The following MTAP variants were observed in gnomAD, a reference collection of about 807,000 sequenced individuals.
MTAP encodes S-methyl-5'-thioadenosine phosphorylase.
Under a neutral mutation model 33.6 loss-of-function variants are expected in MTAP, and 33 were observed. The observed-to-expected ratio is 0.98, with a 90% CI of 0.74 to 1.31. The LOEUF is 1.31. Ranked by LOEUF, MTAP falls within the 40% of genes most tolerant of loss-of-function variation. The probability of loss-of-function intolerance (pLI) is 0.00; values close to 1 mark genes in which losing one functional copy is unlikely to be tolerated. For missense variants in MTAP, 367 were observed against 360.0 expected, an observed-to-expected ratio of 1.02 and a Z score of -0.16; for synonymous variants, 148 against 125.7, an observed-to-expected ratio of 1.18 and a Z score of -1.19.
chr9:21,871,996 G>T (rs1318985367), downstream of MTAP, among the ~76,000 whole-genome samples: 1 of 152,080 alleles, frequency 6.6e-6, no homozygotes, highest in Non-Finnish European at 1.5e-5. Context: ...GAAAATTTTT[G>T]TGTGTTTTAA....
chr9:21,931,403 T>C (rs373501455), downstream of MTAP: 6 of 463,392 alleles, frequency 1.3e-5, no homozygotes, highest in African/African-American at 5.9e-5. Context: ...CATCAGATGA[T>C]CATCAGGTGG....
Position 21,836,802 on chromosome 9 carries a change from G to A in MTAP, c.348-1106G>A, listed in dbSNP as rs140385462. Among the ~76,000 whole-genome samples the A allele has an allele frequency of 6.4e-3, 977 of 152,252 alleles. 9 individuals carry two copies. Among genetic ancestry groups the A allele is most frequent in the African/African-American group, 0.021 (871 of 41,526 alleles). ...TGAGGCCTTATTTCTGAGTGAGGTG[G>A]CCTTGGTGCCAGCTAATGCCACTGT... On this transcript the variant is annotated intron_variant, in intron 4 of 7. Coordinates refer to ENST00000644715, the MANE Select transcript of MTAP (RefSeq NM_002451.4).
intron 1 of MTAP, among the ~76,000 whole-genome samples, chr9:21,804,417 AT>A (rs1824151649): frequency 1.3e-5 from 2 of 152,328 alleles, no homozygotes; most frequent in South Asian, 4.1e-4. Context: ...AATGCAGTGC[AT>A]TTAAGTGCAG....
intron 5 of MTAP, among the ~76,000 whole-genome samples, chr9:21,852,942 T>C (rs1411743507): frequency 1.3e-5 from 2 of 152,190 alleles, no homozygotes; most frequent in African/African-American, 4.8e-5. Flanking sequence ...TCCGTCTGTT[T>C]AGTAGTTCAG....
Position 21,915,010 on chromosome 9 carries a change from TC to T in MTAP, c.148-15996del, listed in dbSNP as rs1818655507. ...CAATACTTTGTTTTCTTTCCTTCCT[TC>T]CTTCCTTCCTTCCTTCCTTCCTTCC... On this transcript the variant is annotated intron_variant, in intron 1 of 1. Transcript: ENST00000577563. 2.4e-4 allele frequency among the ~76,000 whole-genome samples: 18 copies of T among 74,470 alleles called. 3 individuals carry two copies. The highest frequency in any genetic ancestry group is 1.4e-3 in the African/African-American group (17 of 12,244). The allele number at this position is 74,470 out of a possible 152,430, so 48.9% of individuals were successfully genotyped here. A position where few individuals can be genotyped will look rare whatever the true frequency, so the allele number is the denominator to read the frequency against.
At chr9:21,909,473 T>G (rs188097101) in intron 1 of MTAP, among the ~76,000 whole-genome samples, 1 of 152,260 alleles carries the variant, frequency 6.6e-6, no homozygotes, top group Non-Finnish European at 1.5e-5. Context: ...GCTTGGGCAT[T>G]CTCAAATTTA....
chr9:21,846,314 G>A (rs79462964), intron 5 of MTAP, among the ~76,000 whole-genome samples: 129 of 151,926 alleles, frequency 8.5e-4, no homozygotes, highest in Middle Eastern at 3.4e-3. Context: ...AATAATCAGT[G>A]GAATAAATGA....
At chr9:21,803,073 G>A (rs1212211310) in intron 1 of MTAP, 1 of 767,682 alleles carries the variant, frequency 1.3e-6, no homozygotes, top group Non-Finnish European at 1.9e-6. Flanking sequence ...ACCCTGTAGG[G>A]CGTAGGCACC....
chr9:21,876,458 G>C (rs1826009916), intron 1 of MTAP, among the ~76,000 whole-genome samples: 1 of 152,036 alleles, frequency 6.6e-6, no homozygotes, highest in Non-Finnish European at 1.5e-5. Context: ...CTATGTCCAG[G>C]ATGGTATTGC....
intron 7 of MTAP, 151 bp downstream of exon 7, chr9:21,859,576 C>T (rs1825712060): frequency 2.5e-6 from 2 of 785,400 alleles, no homozygotes; most frequent in Non-Finnish European, 3.8e-6. Context: ...CCATACCAAC[C>T]ACTTGTGAAA....
In MTAP at chr9:21,854,882, TC is replaced by T. The variant is rs1825600448; in HGVS notation, c.690+13del. 2.5e-6 allele frequency: 4 copies of T among 1,613,712 alleles called. No homozygotes were observed. In the African/African-American group the frequency reaches 5.3e-5, roughly 22 times the overall value. ...AGCACGAGGAAGCAGTAGGTGGAAT[TC>T]TTTTCTAAGCACATATAGCATGGGT... On this transcript the variant is annotated intron_variant, in intron 6 of 7. Transcript: ENST00000644715.
intron 1 of MTAP, among the ~76,000 whole-genome samples, chr9:21,883,156 A>G (rs921410677): frequency 2.0e-5 from 3 of 152,038 alleles, no homozygotes; most frequent in Non-Finnish European, 4.4e-5. Flanking sequence ...TGTCCAGAAT[A>G]TCCAAAAACA....
intron 4 of MTAP, among the ~76,000 whole-genome samples, chr9:21,819,476 CT>C (rs1824574794): frequency 6.6e-6 from 1 of 152,136 alleles, no homozygotes; most frequent in African/African-American, 2.4e-5. Context: ...GAACTAATCC[CT>C]TTTTATGGCT....
At chr9:21,874,071 T>C (rs964961437) in intron 1 of MTAP, among the ~76,000 whole-genome samples, 2 of 152,174 alleles carry the variant, frequency 1.3e-5, no homozygotes, top group Non-Finnish European at 2.9e-5. Context: ...TGACCTCACT[T>C]TAGTTTACGA....
At chr9:21,861,577 A>G (rs1031618184) in intron 7 of MTAP, 12 of 173,684 alleles carry the variant, frequency 6.9e-5, no homozygotes, top group Non-Finnish European at 1.5e-4. Flanking sequence ...TTGCAAAGAT[A>G]AAGAGTTGTG....
Position 21,864,622 on chromosome 9 carries a change from T to C in MTAP, c.*2608T>C, listed in dbSNP as rs1004432624. ...ATGGTCCTTGTGACCTGGCCCCTGT[T>C]CACTGCCCCCTTCGCTAGCACGAGT... On this transcript the variant is annotated 3_prime_UTR_variant, in exon 8 of 8. Coordinates refer to ENST00000644715, the MANE Select transcript of MTAP (RefSeq NM_002451.4). 4.1e-5 allele frequency: 40 copies of C among 985,386 alleles called. No individual in the cohort carries two copies. The African/African-American group carries it at 5.8e-4, about 14-fold the overall frequency. The allele number at this position is 985,386 out of a possible 1,614,324, so 61.0% of individuals were successfully genotyped here. A position where few individuals can be genotyped will look rare whatever the true frequency, so the allele number is the denominator to read the frequency against.
chr9:21,822,920 A>G (rs957357165), intron 4 of MTAP, among the ~76,000 whole-genome samples: 10 of 152,094 alleles, frequency 6.6e-5, no homozygotes, highest in Admixed American at 1.3e-4. Context: ...GTTGGTTTAA[A>G]GTCTGTTTTA....
chr9:21,865,066 C>A lies in MTAP; in HGVS notation c.*3052C>A. The A allele has an allele frequency of 3.0e-6, 3 of 985,370 alleles. No homozygotes were observed. The highest frequency in any genetic ancestry group is 3.6e-6 in the Non-Finnish European group (3 of 829,934). 61.0% of individuals were successfully genotyped at this position (985,370 alleles called of 1,614,324 possible). A position where few individuals can be genotyped will look rare whatever the true frequency, so the allele number is the denominator to read the frequency against. On this transcript the variant is annotated 3_prime_UTR_variant, in exon 8 of 8. Transcript: ENST00000644715. ...GAGTTCTTGCCACATTTGCAGAGTC[C>A]CTCCTTGATAAGGTTTGGCGGTGTC...
chr9:21,888,339 G>A (rs1818146834), intron 1 of MTAP, among the ~76,000 whole-genome samples: 1 of 152,002 alleles, frequency 6.6e-6, no homozygotes, highest in African/African-American at 2.4e-5. Flanking sequence ...AATTCCATTT[G>A]TTCTAGGGTA....
Sources: allele counts gnomAD v4.1 joint callset (sites outside exome capture counted in the v4.1 genomes callset), GRCh38; gene constraint gnomAD v4.1.1; transcripts MANE v1.5; gene names NCBI Gene and HGNC (gene_info 2026-07-23, HGNC 2026-07-21).